Variants in WDR59 observed in about 807,000 individuals in gnomAD.
The protein encoded by WDR59 is GATOR2 complex protein WDR59.
WDR59 carries 100 observed loss-of-function variants against 131.2 expected under a neutral mutation model. The ratio of observed to expected loss-of-function variants is 0.76; its 90% CI spans 0.65 to 0.90. The LOEUF is 0.90. Among genes scored for constraint, WDR59 ranks in the 40% least tolerant of loss-of-function variants. WDR59 has a pLI of 0.00. For synonymous variants in WDR59, 601 were observed against 466.2 expected (o/e 1.29, Z -3.72); for missense variants, 1,203 against 1,262.2 (o/e 0.95, Z 0.71).
Position 74,958,778 on chromosome 16 carries a change from G to A in WDR59, c.105-2168C>T, listed in dbSNP as rs529814739. Among the ~76,000 whole-genome samples, 15 of 151,948 alleles carry A rather than the reference G, an allele frequency of 9.9e-5. No individual in the cohort carries two copies. The South Asian group carries it at 3.1e-3, about 32-fold the overall frequency. On this transcript the variant is annotated intron_variant, in intron 2 of 25. Transcript: ENST00000262144. The stretch of plus-strand genomic sequence containing the variant: ...GGACACCTGTTTGAAAGACCACTAA[G>A]GAGGCCGGGCACAGTGGCCCACGCC...
At position 74,949,776 on chromosome 16, in the gene WDR59, C is replaced by G. The variant is rs574295194; in HGVS notation, c.349G>C (p.Glu117Gln). 1 of 1,613,976 alleles carries G rather than the reference C, an allele frequency of 6.2e-7. No individual in the cohort carries two copies. The highest frequency in any genetic ancestry group is 1.7e-5 in the Admixed American group (1 of 59,996). ...GAGCTGGTAACCAGGAGGTCAGGCT[C>G]AAACACCGCCCAGTCCAAGTCGCTG... ...VISDLDWAVF[E>Q]PDLLVTSSVD... Residue 117 changes from glutamate (E) to glutamine (Q), a missense_variant, in exon 5 of 26, where the codon GAG (glutamate) becomes CAG (glutamine). Glu to Gln is a conservative substitution (Grantham distance 29, BLOSUM62 2). Coordinates refer to ENST00000262144, the MANE Select transcript of WDR59 (RefSeq NM_030581.4).
At chr16:74,919,312 C>G (rs2029919765) in intron 10 of WDR59, among the ~76,000 whole-genome samples, 1 of 151,722 alleles carries the variant, frequency 6.6e-6, no homozygotes, top group African/African-American at 2.4e-5. Context: ...TCAATTTGCT[C>G]TTGGAACACC....
intron 13 of WDR59, among the ~76,000 whole-genome samples, chr16:74,913,035 A>G (rs1966177666): frequency 7.0e-6 from 1 of 143,158 alleles, no homozygotes; most frequent in South Asian, 2.2e-4. Flanking sequence ...CAGAGACTTT[A>G]TGGCCAGTTT....
chr16:74,918,085 G>C (rs1343255377), intron 10 of WDR59, 77 bp from the exon 11 acceptor site: 1 of 1,399,302 alleles, frequency 7.1e-7, no homozygotes, highest in Non-Finnish European at 1.0e-6. Context: ...AATGGAGTGA[G>C]ATTCATCCAT....
chr16:74,952,903 A>G (rs2033083604), intron 3 of WDR59, among the ~76,000 whole-genome samples: 1 of 152,130 alleles, frequency 6.6e-6, no homozygotes, highest in African/African-American at 2.4e-5. Flanking sequence ...TGAAAAGGTT[A>G]GGATTCAAAA....
At chr16:74,946,061 G>A (rs189965464) in intron 6 of WDR59, among the ~76,000 whole-genome samples, 393 of 152,090 alleles carry the variant, frequency 2.6e-3, no homozygotes, top group African/African-American at 3.7e-3. Flanking sequence ...TGATCCGCCC[G>A]CCTCAGCCTC....
intron 25 of WDR59, among the ~76,000 whole-genome samples, chr16:74,883,181 C>T (rs763028236): frequency 5.9e-5 from 9 of 151,692 alleles, no homozygotes; most frequent in Non-Finnish European, 1.3e-4. Flanking sequence ...CGCACCACCA[C>T]GCCCGGCTAA....
At chr16:74,932,338 C>T (rs1024959198) in intron 8 of WDR59, among the ~76,000 whole-genome samples, 2 of 151,944 alleles carry the variant, frequency 1.3e-5, no homozygotes, top group African/African-American at 4.8e-5. Context: ...GATCCTCCCA[C>T]CTCGGCCTCT....
intron 25 of WDR59, among the ~76,000 whole-genome samples, chr16:74,877,043 C>G (rs1466842301): frequency 6.6e-6 from 1 of 151,834 alleles, no homozygotes; most frequent in Non-Finnish European, 1.5e-5. Flanking sequence ...AAAGCAGATA[C>G]CACTTGCAAG....
chr16:74,973,425 C>G (rs1225056020), intron 1 of WDR59, among the ~76,000 whole-genome samples: 2 of 152,082 alleles, frequency 1.3e-5, no homozygotes, highest in East Asian at 3.9e-4. Flanking sequence ...TAAATGGTAC[C>G]ACAGGCACAA....
intron 18 of WDR59, among the ~76,000 whole-genome samples, chr16:74,898,886 C>T (rs182770076): frequency 1.4e-3 from 217 of 152,318 alleles, no homozygotes; most frequent in Non-Finnish European, 2.3e-3. Context: ...TTGGTGGCTC[C>T]ACCTACAAGT....
At chr16:74,980,694 C>T (rs1384584881) in intron 1 of WDR59, among the ~76,000 whole-genome samples, 1 of 152,062 alleles carries the variant, frequency 6.6e-6, no homozygotes, top group Non-Finnish European at 1.5e-5. Context: ...ATTTTCAGAC[C>T]AGGTGCAATG....
chr16:74,894,432 A>G (rs937084209), intron 18 of WDR59, among the ~76,000 whole-genome samples: 5 of 152,216 alleles, frequency 3.3e-5, no homozygotes, highest in African/African-American at 1.2e-4. Flanking sequence ...ATTGTGGGCA[A>G]GTATTCGATT....
chr16:74,898,274 C>T (rs1161127255), intron 18 of WDR59, among the ~76,000 whole-genome samples: 1 of 152,166 alleles, frequency 6.6e-6, no homozygotes, highest in Non-Finnish European at 1.5e-5. Context: ...AGCCCCTGAT[C>T]CTCCTGCATT....
intron 6 of WDR59, among the ~76,000 whole-genome samples, chr16:74,943,262 G>C (rs1412410823): frequency 1.4e-5 from 2 of 146,906 alleles, no homozygotes; most frequent in Non-Finnish European, 1.5e-5. Context: ...TTTAATTGTT[G>C]AGCAATAGTC....
chr16:74,953,469 T>A, intron 3 of WDR59, among the ~76,000 whole-genome samples: 2 of 120,060 alleles, frequency 1.7e-5, no homozygotes. Flanking sequence ...CGAGACTCCG[T>A]CTCAAAAAAA....
At chr16:74,911,271 C>G (rs1002067705) in intron 14 of WDR59, among the ~76,000 whole-genome samples, 1 of 152,204 alleles carries the variant, frequency 6.6e-6, no homozygotes, top group African/African-American at 2.4e-5. Context: ...ACGGCATATT[C>G]AGATTCCAAG....
chr16:74,922,723 A>C (rs2030369605), intron 9 of WDR59, among the ~76,000 whole-genome samples: 1 of 152,228 alleles, frequency 6.6e-6, no homozygotes. Flanking sequence ...ACCAAAGAGC[A>C]CATTTATCTT....
At position 74,880,010 on chromosome 16, in the gene WDR59, A is replaced by G. The variant is rs77074824; in HGVS notation, c.2690-5566T>C. Among the ~76,000 whole-genome samples, 970 of 152,122 alleles carry G rather than the reference A, an allele frequency of 6.4e-3. 6 individuals are homozygous for G. Among genetic ancestry groups the G allele is most frequent in the Admixed American group, 0.011 (173 of 15,266 alleles). On this transcript the variant is annotated intron_variant, in intron 25 of 25. Coordinates refer to ENST00000262144, the MANE Select transcript of WDR59 (RefSeq NM_030581.4). ...AGACCACAATGGACAACAAAGTGAG[A>G]CTCTGTTTCTATTTTATAAAAATTT...
Sources: gnomAD v4.1 joint callset for allele counts (sites outside exome capture counted in the v4.1 genomes callset) on GRCh38, gnomAD v4.1.1 for gene constraint, MANE v1.5 for transcripts, NCBI Gene and HGNC (gene_info 2026-07-23, HGNC 2026-07-21) for gene names.